The following ABHD17C variants were observed in gnomAD, a reference collection of about 807,000 sequenced individuals.
The protein encoded by ABHD17C is alpha/beta hydrolase domain-containing protein 17C.
Under a neutral mutation model 27.9 loss-of-function variants are expected in ABHD17C, and 11 were observed. The observed-to-expected ratio is 0.39, with a 90% CI of 0.25 to 0.65. The LOEUF is 0.65. ABHD17C is among the 30% of genes least tolerant of loss of function. The pLI, the probability that ABHD17C is intolerant of heterozygous loss-of-function variation, is 0.45. For synonymous variants in ABHD17C, 233 were observed against 209.1 expected (o/e 1.11, Z -0.98); for missense variants, 280 against 470.2 (o/e 0.60, Z 3.74).
At chr15:80,703,619 T>C (rs1222911730) in intron 1 of ABHD17C, among the ~76,000 whole-genome samples, 1 of 152,238 alleles carries the variant, frequency 6.6e-6, no homozygotes. Context: ...AGATTTTTTT[T>C]AAGTGTGCAG....
chr15:80,708,737 C>T (rs556002042), intron 1 of ABHD17C, among the ~76,000 whole-genome samples: 488 of 152,284 alleles, frequency 3.2e-3, no homozygotes, highest in Non-Finnish European at 4.8e-3. Context: ...GGGTACTCAT[C>T]GGATATTGGT....
At chr15:80,742,190 T>C (rs1895220444) in intron 1 of ABHD17C, among the ~76,000 whole-genome samples, 1 of 152,176 alleles carries the variant, frequency 6.6e-6, no homozygotes, top group African/African-American at 2.4e-5. Flanking sequence ...CACGTGATTA[T>C]GGAGGCCAAG....
chr15:80,705,333 T>TTGTGTGTGTGTGTGTATGTG (rs1555421863), intron 1 of ABHD17C, among the ~76,000 whole-genome samples: 6 of 106,822 alleles, frequency 5.6e-5, no homozygotes, highest in African/African-American at 2.1e-4. Flanking sequence ...TTCCTATGAT[T>TTGTGTGTGTGTGTGTATGTG]TGTGTGTGTG....
At chr15:80,702,004 C>T (rs1268840886) in intron 1 of ABHD17C, among the ~76,000 whole-genome samples, 1 of 152,144 alleles carries the variant, frequency 6.6e-6, no homozygotes, top group African/African-American at 2.4e-5. Context: ...TCTCACTCTC[C>T]TCTTGCCACA....
intron 1 of ABHD17C, among the ~76,000 whole-genome samples, chr15:80,720,853 G>A (rs1465399066): frequency 6.6e-6 from 1 of 151,794 alleles, no homozygotes; most frequent in Non-Finnish European, 1.5e-5. Context: ...CCCGGGAGGT[G>A]GAGGTTGCAG....
intron 1 of ABHD17C, among the ~76,000 whole-genome samples, chr15:80,705,683 A>G (rs549659357): frequency 1.3e-5 from 2 of 152,212 alleles, no homozygotes; most frequent in Non-Finnish European, 2.9e-5. Flanking sequence ...TATAGATACA[A>G]ATACCCAGGT....
intron 1 of ABHD17C, among the ~76,000 whole-genome samples, chr15:80,722,134 C>T (rs1894905347): frequency 6.6e-6 from 1 of 151,910 alleles, no homozygotes; most frequent in Admixed American, 6.6e-5. Flanking sequence ...AGTTTGTTTC[C>T]ACACACCTTC....
intron 1 of ABHD17C, among the ~76,000 whole-genome samples, chr15:80,734,641 A>C (rs1327138780): frequency 3.3e-5 from 5 of 152,180 alleles, no homozygotes; most frequent in African/African-American, 9.7e-5. Flanking sequence ...GGTCTTGTTT[A>C]TTTTTGCTTT....
intron 1 of ABHD17C, among the ~76,000 whole-genome samples, chr15:80,728,446 T>C (rs1162107294): frequency 6.6e-6 from 1 of 152,168 alleles, no homozygotes; most frequent in East Asian, 1.9e-4. Context: ...GGCTGAGCTT[T>C]TAGGAGAAGT....
At chr15:80,730,338 A>C (rs928128380) in intron 1 of ABHD17C, among the ~76,000 whole-genome samples, 2 of 152,232 alleles carry the variant, frequency 1.3e-5, no homozygotes, top group African/African-American at 2.4e-5. Flanking sequence ...TCTGGTGGCC[A>C]GGCCTCCTAT....
chr15:80,743,340 A>T (rs1252044967), intron 1 of ABHD17C, among the ~76,000 whole-genome samples: 1 of 152,090 alleles, frequency 6.6e-6, no homozygotes, highest in Non-Finnish European at 1.5e-5. Context: ...GCACTCACCC[A>T]CTACCGGCTG....
intron 1 of ABHD17C, among the ~76,000 whole-genome samples, chr15:80,728,522 T>C (rs1295133999): frequency 2.4e-5 from 3 of 125,850 alleles, no homozygotes; most frequent in East Asian, 3.9e-4. Context: ...CCTCACTTGA[T>C]AGATAGGAGA....
chr15:80,741,865 A>T (rs1477168276), intron 1 of ABHD17C, among the ~76,000 whole-genome samples: 2 of 152,194 alleles, frequency 1.3e-5, no homozygotes, highest in African/African-American at 2.4e-5. Context: ...ACTTGAACAC[A>T]AGTCTACAAT....
intron 1 of ABHD17C, among the ~76,000 whole-genome samples, chr15:80,729,059 A>G (rs548526445): frequency 5.3e-4 from 80 of 152,364 alleles, no homozygotes; most frequent in African/African-American, 1.8e-3. Context: ...TTGTTAGACT[A>G]TAAGACCCAT....
In ABHD17C at chr15:80,754,492, T is replaced by C; in HGVS notation, c.*122T>C. ...GAAGAAGTGCCCAACCTTTAGGGTGTTCTAATCAAAGAGCTGATGAAATCT... is the reference window on the plus strand; with the variant it reads ...GAAGAAGTGCCCAACCTTTAGGGTGCTCTAATCAAAGAGCTGATGAAATCT... On this transcript the variant is annotated 3_prime_UTR_variant, in exon 3 of 3. Transcript: ENST00000258884. 2.6e-6 allele frequency: 2 copies of C among 782,230 alleles called. No individual in the cohort carries two copies. Among genetic ancestry groups the C allele is most frequent in the Non-Finnish European group, 2.0e-6 (1 of 502,108 alleles). The allele number at this position is 782,230 out of a possible 1,614,324, so 48.5% of individuals were successfully genotyped here. A position where few individuals can be genotyped will look rare whatever the true frequency, so the allele number is the denominator to read the frequency against.
chr15:80,736,476 C>T (rs887565613), intron 1 of ABHD17C, among the ~76,000 whole-genome samples: 15 of 152,154 alleles, frequency 9.9e-5, no homozygotes, highest in African/African-American at 3.6e-4. Context: ...ATTTACACAC[C>T]TGCTTCCCTT....
chr15:80,708,319 TTTTG>T (rs143589107), intron 1 of ABHD17C, among the ~76,000 whole-genome samples: 19,288 of 152,050 alleles, frequency 0.13, 1,277 homozygotes, highest in East Asian at 0.17. Context: ...TTTTGTTTTG[TTTTG>T]TTTGTTTTTC....
At chr15:80,731,863 T>C (rs34887414) in intron 1 of ABHD17C, among the ~76,000 whole-genome samples, 52,939 of 152,098 alleles carry the variant, frequency 0.35, 11,071 homozygotes, top group Non-Finnish European at 0.48. Flanking sequence ...TTTTTAAAAA[T>C]TGTGGTAAAA....
intron 1 of ABHD17C, among the ~76,000 whole-genome samples, chr15:80,702,233 G>GA (rs368732295): frequency 4.7e-4 from 71 of 152,290 alleles, no homozygotes; most frequent in African/African-American, 1.6e-3. Context: ...GCCTCACTGA[G>GA]ACCTCCCTGT....
Sources: allele counts gnomAD v4.1 joint callset (sites outside exome capture counted in the v4.1 genomes callset), GRCh38; gene constraint gnomAD v4.1.1; transcripts MANE v1.5; gene names NCBI Gene and HGNC (gene_info 2026-07-23, HGNC 2026-07-21).